ANXA8: variants seen among roughly 807,000 people sequenced by gnomAD.
The protein encoded by ANXA8 is VAC-beta.
In ANXA8, 9 loss-of-function variants were observed where a neutral mutation model predicts 26.8. The observed-to-expected ratio is 0.34, with a 90% CI of 0.20 to 0.59. The LOEUF is 0.59. ANXA8 is among the 20% of genes least tolerant of loss of function. The probability of loss-of-function intolerance (pLI) is 0.84; values close to 1 mark genes in which losing one functional copy is unlikely to be tolerated. For missense variants in ANXA8, 83 were observed against 238.5 expected (o/e 0.35, Z 4.29); for synonymous variants, 39 against 94.8 (o/e 0.41, Z 3.42).
the ANXA8 span, among the ~76,000 whole-genome samples, chr10:47,555,647 G>C: frequency 6.6e-6 from 1 of 151,906 alleles, no homozygotes; most frequent in Non-Finnish European, 1.5e-5. Context: ...ATGTTTAATG[G>C]ACATTTCCAA....
the ANXA8 span, among the ~76,000 whole-genome samples, chr10:47,988,826 A>G: frequency 1.3e-5 from 2 of 151,574 alleles, no homozygotes; most frequent in Non-Finnish European, 2.9e-5. Flanking sequence ...CAAAGTCCAT[A>G]CTCTTGTTTG....
the ANXA8 span, among the ~76,000 whole-genome samples, chr10:47,743,339 T>TATAC: frequency 9.8e-4 from 58 of 59,254 alleles, 1 homozygote; most frequent in South Asian, 3.0e-3. Flanking sequence ...CATATATATA[T>TATAC]ACATATATAT....
At chr10:47,496,306 T>C in the ANXA8 span, 3 of 152,084 alleles carry the variant, frequency 2.0e-5, no homozygotes, top group Non-Finnish European at 4.4e-5. Context: ...GGGGTAGGTT[T>C]CTCTCTTCCA....
At chr10:47,514,159 G>C in the ANXA8 span, among the ~76,000 whole-genome samples, 1 of 143,018 alleles carries the variant, frequency 7.0e-6, no homozygotes, top group Non-Finnish European at 1.5e-5. Context: ...AATCTATGAG[G>C]AACTCAAACA....
chr10:47,673,007 C>T, the ANXA8 span, among the ~76,000 whole-genome samples: 6 of 149,578 alleles, frequency 4.0e-5, no homozygotes, highest in Non-Finnish European at 8.8e-5. Context: ...GATGGAACAA[C>T]GAAAGGAATA....
chr10:47,733,179 T>TTCTTTCTTTCTCTCTCTCTCTCTC, the ANXA8 span, among the ~76,000 whole-genome samples: 1 of 87,696 alleles, frequency 1.1e-5, no homozygotes, highest in African/African-American at 3.2e-5. Flanking sequence ...CTTTCTTTCT[T>TTCTTTCTTTCTCTCTCTCTCTCTC]TCTTTCTTTC....
At chr10:47,958,308 G>A in the ANXA8 span, among the ~76,000 whole-genome samples, 1 of 148,758 alleles carries the variant, frequency 6.7e-6, no homozygotes, top group East Asian at 2.1e-4. Flanking sequence ...GCAAAACCCC[G>A]TCTCCACTAA....
the ANXA8 span, among the ~76,000 whole-genome samples, chr10:47,915,011 T>C: frequency 6.6e-6 from 1 of 152,288 alleles, no homozygotes; most frequent in African/African-American, 2.4e-5. Context: ...GAAAATAAAC[T>C]GGTTTCCCCG....
the ANXA8 span, chr10:47,551,908 C>G: frequency 9.3e-6 from 11 of 1,188,284 alleles, no homozygotes; most frequent in Non-Finnish European, 1.1e-5. Context: ...TCTTCTGGTC[C>G]TTAGTCTCCA....
the ANXA8 span, among the ~76,000 whole-genome samples, chr10:47,579,397 A>G: frequency 2.3e-4 from 15 of 64,140 alleles, no homozygotes; most frequent in South Asian, 7.5e-4. Context: ...CCACCTCAGC[A>G]TCCCAAAGTG....
the ANXA8 span, among the ~76,000 whole-genome samples, chr10:47,932,486 G>GT: frequency 6.7e-6 from 1 of 148,472 alleles, no homozygotes; most frequent in East Asian, 2.0e-4. Flanking sequence ...AACGAGGATG[G>GT]TAGGGCTCTC....
the ANXA8 span, among the ~76,000 whole-genome samples, chr10:47,497,541 C>A: frequency 1.4e-5 from 2 of 139,126 alleles, no homozygotes; most frequent in African/African-American, 5.8e-5. Flanking sequence ...ATTGCTTGAA[C>A]ACGGGAGGTG....
At chr10:47,553,808 G>A in the ANXA8 span, among the ~76,000 whole-genome samples, 8 of 149,028 alleles carry the variant, frequency 5.4e-5, no homozygotes, top group South Asian at 1.3e-3. Context: ...GCAGCTGTGC[G>A]GCCTGGCGCG....
the ANXA8 span, among the ~76,000 whole-genome samples, chr10:47,651,649 C>T: frequency 6.7e-6 from 1 of 150,126 alleles, no homozygotes; most frequent in African/African-American, 2.5e-5. Context: ...AATCCCAGCG[C>T]TTTGGAAGGC....
At chr10:47,492,690 C>T in the ANXA8 span, among the ~76,000 whole-genome samples, 1 of 138,320 alleles carries the variant, frequency 7.2e-6, no homozygotes, top group Non-Finnish European at 1.5e-5. Flanking sequence ...AACACCTGTT[C>T]CCTCCACTCA....
chr10:47,744,430 G>GGGGGGGGGA, the ANXA8 span, among the ~76,000 whole-genome samples: 1 of 69,946 alleles, frequency 1.4e-5, no homozygotes, highest in African/African-American at 4.9e-5. Context: ...GGTTGGGGGG[G>GGGGGGGGGA]AGGGGGGAAG....
chr10:47,894,723 C>G, the ANXA8 span, among the ~76,000 whole-genome samples: 1 of 152,244 alleles, frequency 6.6e-6, no homozygotes, highest in Admixed American at 6.5e-5. Context: ...ACAGTACACC[C>G]TATACACATA....
At chr10:47,904,360 T>A in the ANXA8 span, among the ~76,000 whole-genome samples, 1 of 119,680 alleles carries the variant, frequency 8.4e-6, no homozygotes, top group Non-Finnish European at 1.7e-5. Context: ...TGTCTTTATT[T>A]TACCAGTAAT....
chr10:47,711,577 A>G, the ANXA8 span, among the ~76,000 whole-genome samples: 1 of 148,000 alleles, frequency 6.8e-6, no homozygotes, highest in South Asian at 2.1e-4. Context: ...TTTTATGTTA[A>G]GATCAAACAG....
Sources: allele counts gnomAD v4.1 joint callset (sites outside exome capture counted in the v4.1 genomes callset), GRCh38; gene constraint gnomAD v4.1.1; transcripts MANE v1.5; gene names NCBI Gene and HGNC (gene_info 2026-07-23, HGNC 2026-07-21).